NEK4: variants seen among roughly 807,000 people sequenced by gnomAD.
NEK4 encodes NIMA related kinase 4.
Under a neutral mutation model 98.4 loss-of-function variants are expected in NEK4, and 86 were observed. That is an observed-to-expected ratio of 0.87 (90% confidence interval 0.73 to 1.05). The LOEUF (loss-of-function observed/expected upper bound fraction) is 1.05, where lower values mean the gene tolerates loss of function less well. Ranked by LOEUF, NEK4 falls within the 50% of genes least tolerant of loss-of-function variation. NEK4 has a pLI of 0.00. For synonymous variants in NEK4, 328 were observed against 342.2 expected (o/e 0.96, Z 0.46); for missense variants, 898 against 950.3 (o/e 0.94, Z 0.72).
rs529208719 is a variant in NEK4 at position 52,769,113 on chromosome 3, G to T, written c.94-509C>A. Among the ~76,000 whole-genome samples, 4 of 152,230 alleles carry T rather than the reference G, an allele frequency of 2.6e-5. No homozygotes were observed. The East Asian group carries it at 7.7e-4, about 29-fold the overall frequency. On this transcript the variant is annotated intron_variant, in intron 1 of 15. Coordinates refer to ENST00000233027, the MANE Select transcript of NEK4 (RefSeq NM_003157.6). Reference sequence around the variant, plus strand: ...GTGTACCCATAGTCCCAGCAACTCGGGAGGCTGACACAGGAGAATTGCTTG... The same window carrying T: ...GTGTACCCATAGTCCCAGCAACTCGTGAGGCTGACACAGGAGAATTGCTTG...
chr3:52,726,480 TC>T (rs1482119118), intron 15 of NEK4, among the ~76,000 whole-genome samples: 1 of 151,668 alleles, frequency 6.6e-6, no homozygotes, highest in African/African-American at 2.4e-5. Context: ...GCACCTGTAG[TC>T]CCAGCTACTC....
chr3:52,742,806 T>C (rs1279270597), intron 12 of NEK4, among the ~76,000 whole-genome samples: 2 of 152,214 alleles, frequency 1.3e-5, no homozygotes, highest in South Asian at 4.1e-4. Context: ...ATTTATATTT[T>C]TGAGACAGAG....
intron 15 of NEK4, among the ~76,000 whole-genome samples, chr3:52,723,939 G>C (rs1303702471): frequency 1.3e-5 from 2 of 152,124 alleles, no homozygotes; most frequent in African/African-American, 4.8e-5. Context: ...TAATCAAACT[G>C]TAAAAAGACA....
intron 15 of NEK4, among the ~76,000 whole-genome samples, chr3:52,737,103 A>C (rs567586199): frequency 7.9e-5 from 12 of 152,118 alleles, no homozygotes; most frequent in Non-Finnish European, 1.0e-4. Context: ...TGCCCAGCTA[A>C]TTTTTATATT....
chr3:52,754,654 T>C (rs557843516), intron 6 of NEK4: 90 of 667,516 alleles, frequency 1.3e-4, no homozygotes, highest in Non-Finnish European at 2.4e-4. Flanking sequence ...CCTGGCTCAG[T>C]ACAATCTTTC....
intron 15 of NEK4, among the ~76,000 whole-genome samples, chr3:52,736,214 C>CG (rs926316951): frequency 1.8e-4 from 28 of 151,952 alleles, no homozygotes; most frequent in South Asian, 8.3e-4. Flanking sequence ...GTATTTTTGG[C>CG]GGGGGGGAAT....
chr3:52,739,605 A>C lies in NEK4; in HGVS notation c.2123T>G (p.Leu708Trp). 1.2e-6 allele frequency: 2 copies of C among 1,614,060 alleles called. No homozygotes were observed. The highest frequency in any genetic ancestry group is 8.5e-7 in the Non-Finnish European group (1 of 1,179,952). Residue 708 changes from leucine (L) to tryptophan (W), a missense_variant, in exon 14 of 16, where the codon TTG (leucine) becomes TGG (tryptophan). Physicochemically the swap from Leu to Trp is moderately conservative, Grantham distance 61 (BLOSUM62 -2). Coordinates refer to ENST00000233027, the MANE Select transcript of NEK4 (RefSeq NM_003157.6). The part of the protein sequence containing the change: ...GKGQTNEINA[L>W]VQLMTQTLKL... ...CAGGGTCTGAGTCATCAATTGTACC[A>C]AGGCATTAATTTCATTTGTCTGACC...
chr3:52,715,158 G>T (rs1172099869), intron 15 of NEK4, among the ~76,000 whole-genome samples: 1 of 152,220 alleles, frequency 6.6e-6, no homozygotes, highest in Non-Finnish European at 1.5e-5. Flanking sequence ...GGAACTTGTG[G>T]TGCCTTTTCT....
chr3:52,746,310 T>A, intron 9 of NEK4, 100 bp from the exon 10 acceptor site: 2 of 1,153,162 alleles, frequency 1.7e-6, no homozygotes, highest in Non-Finnish European at 2.5e-6. Flanking sequence ...GGTTTGCTCT[T>A]AAAACCTTCA....
intron 6 of NEK4, chr3:52,753,989 C>T (rs1280335187): frequency 7.5e-6 from 2 of 266,104 alleles, no homozygotes; most frequent in South Asian, 4.0e-5. Context: ...ATGGTGAAAC[C>T]CCGTCTCTAA....
At position 52,765,948 on chromosome 3, in the gene NEK4, A is replaced by G. The variant is rs767856624; in HGVS notation, c.605T>C (p.Leu202Ser). Residue 202 changes from leucine to serine, a missense_variant, in exon 4 of 16, where the codon TTG (leucine) becomes TCG (serine). Transcript: ENST00000233027. Reference sequence around the variant, plus strand: ...ATCTTTTGCATTGAAAGCATGCTTCAAGGTGGCCATTTCATAGACACAGCA... The same window carrying G: ...ATCTTTTGCATTGAAAGCATGCTTCGAGGTGGCCATTTCATAGACACAGCA... ...LGCCVYEMAT[L>S]KHAFNAKDMN... The G allele has an allele frequency of 2.5e-6, 4 of 1,613,132 alleles. No homozygotes were observed. The African/African-American group carries it at 5.3e-5, about 22-fold the overall frequency.
At chr3:52,754,561 A>T in intron 6 of NEK4, 1 of 1,347,668 alleles carries the variant, frequency 7.4e-7, no homozygotes, top group Admixed American at 1.7e-5. Context: ...GTACATGATG[A>T]AGCCAGAGAA....
chr3:52,755,969 G>A (rs892247763), intron 6 of NEK4, among the ~76,000 whole-genome samples: 2 of 152,004 alleles, frequency 1.3e-5, no homozygotes, highest in Non-Finnish European at 2.9e-5. Flanking sequence ...AAATAATTAG[G>A]AATTAACCAA....
chr3:52,734,308 G>A (rs2097372865), intron 15 of NEK4, among the ~76,000 whole-genome samples: 2 of 152,056 alleles, frequency 1.3e-5, no homozygotes, highest in South Asian at 4.1e-4. Flanking sequence ...CAATTAGCCA[G>A]GTGTGGTGGC....
intron 2 of NEK4, 99 bp from the exon 3 acceptor site, chr3:52,766,474 CTT>C: frequency 1.2e-6 from 1 of 827,564 alleles, no homozygotes; most frequent in Non-Finnish European, 1.9e-6. Flanking sequence ...GAGTTAGAGT[CTT>C]TGACCGTAAA....
chr3:52,751,867 A>C, intron 7 of NEK4, 65 bp downstream of exon 7: 1 of 1,432,650 alleles, frequency 7.0e-7, no homozygotes, highest in South Asian at 1.3e-5. Context: ...CAGAACCCAC[A>C]TATTTGTAAC....
intron 15 of NEK4, among the ~76,000 whole-genome samples, chr3:52,727,638 A>G (rs752911444): frequency 1.1e-4 from 16 of 152,020 alleles, no homozygotes; most frequent in Admixed American, 2.0e-4. Context: ...ACAACTGGCT[A>G]ATTTTTGTAT....
Position 52,768,468 on chromosome 3 carries a change from C to A in NEK4, c.230G>T (p.Gly77Val). The A allele has an allele frequency of 6.2e-7, 1 of 1,614,208 alleles. No individual in the cohort carries two copies. Among genetic ancestry groups the A allele is most frequent in the Non-Finnish European group, 8.5e-7 (1 of 1,180,030 alleles). ...TYKESWEGGD[G>V]LLYIVMGFCE... ...GAAGCCCATGACAATGTAGAGCAGA[C>A]CATCTCCTCCTTCCCATGACTCCTT... Residue 77 changes from glycine to valine, a missense_variant, in exon 2 of 16, where the codon GGT becomes GTT. Gly to Val is a moderately radical substitution (Grantham distance 109). Coordinates refer to ENST00000233027, the MANE Select transcript of NEK4 (RefSeq NM_003157.6).
intron 15 of NEK4, among the ~76,000 whole-genome samples, chr3:52,712,748 T>C (rs547804297): frequency 1.3e-5 from 2 of 152,322 alleles, no homozygotes; most frequent in South Asian, 4.1e-4. Flanking sequence ...GTTCTGCTGG[T>C]CGATGGCCTG....
Sources: gnomAD v4.1 joint callset for allele counts (sites outside exome capture counted in the v4.1 genomes callset) on GRCh38, gnomAD v4.1.1 for gene constraint, MANE v1.5 for transcripts, NCBI Gene and HGNC (gene_info 2026-07-23, HGNC 2026-07-21) for gene names.